ROBO2: variants seen among roughly 807,000 people sequenced by gnomAD.
ROBO2 encodes roundabout guidance receptor 2.
ROBO2 carries 53 observed loss-of-function variants against 160.8 expected under a neutral mutation model. That is an observed-to-expected ratio of 0.33 (90% CI 0.26 to 0.41). The LOEUF is 0.41. ROBO2 is among the 10% of genes least tolerant of loss of function. ROBO2 has a pLI of 1.00. For synonymous variants in ROBO2, 664 were observed against 611.7 expected (o/e 1.09, Z -1.26); for missense variants, 1,577 against 1,722.4 (o/e 0.92, Z 1.49).
intron 1 of ROBO2, among the ~76,000 whole-genome samples, chr3:77,096,881 A>G (rs892061827): frequency 5.9e-5 from 9 of 152,210 alleles, no homozygotes; most frequent in African/African-American, 1.9e-4. Context: ...TTGATATGGT[A>G]TATTTTTCCT....
chr3:76,535,896 G>T (rs963714850), intron 2 of ROBO2, among the ~76,000 whole-genome samples: 2 of 152,180 alleles, frequency 1.3e-5, no homozygotes, highest in African/African-American at 4.8e-5. Context: ...CTTCCGAGGT[G>T]ATTGGGCAGT....
At chr3:77,253,391 C>T (rs1001269389) in intron 2 of ROBO2, among the ~76,000 whole-genome samples, 1 of 152,096 alleles carries the variant, frequency 6.6e-6, no homozygotes, top group Non-Finnish European at 1.5e-5. Context: ...AATGACTTCT[C>T]AAGAAGTTAT....
intron 2 of ROBO2, among the ~76,000 whole-genome samples, chr3:76,438,277 A>C (rs529809502): frequency 6.6e-6 from 1 of 152,102 alleles, no homozygotes; most frequent in African/African-American, 2.4e-5. Flanking sequence ...TTTTTGCAAT[A>C]AAGTGCTAGA....
intron 2 of ROBO2, among the ~76,000 whole-genome samples, chr3:76,964,269 T>A (rs6548465): frequency 0.49 from 74,506 of 152,104 alleles, 19,239 homozygotes; most frequent in African/African-American, 0.66. Flanking sequence ...GGTTTAAATG[T>A]TGAGTCTAAT....
chr3:76,231,550 T>A (rs1424046657), intron 2 of ROBO2, among the ~76,000 whole-genome samples: 1 of 152,228 alleles, frequency 6.6e-6, no homozygotes, highest in Admixed American at 6.5e-5. Flanking sequence ...TTTCATTTAC[T>A]ATCTCCTGTC....
Position 76,377,065 on chromosome 3 carries a change from G to A in ROBO2, c.109+439463G>A, listed in dbSNP as rs373728286. ...ATTCTGTCATCAACAAAGTAGGCCC[G>A]GGTTGGGCTGGTCCTGTTGTTATAG... On this transcript the variant is annotated intron_variant, in intron 2 of 26. Coordinates refer to the ROBO2 transcript ENST00000487694. 2.5e-4 allele frequency among the ~76,000 whole-genome samples: 38 copies of A among 152,256 alleles called. No homozygotes were observed. The South Asian group carries it at 7.3e-3, about 29-fold the overall frequency.
At chr3:76,852,783 A>G (rs933947525) in intron 2 of ROBO2, among the ~76,000 whole-genome samples, 32 of 152,276 alleles carry the variant, frequency 2.1e-4, no homozygotes, top group African/African-American at 7.5e-4. Context: ...TGGTAGATGC[A>G]TCTTTCATGC....
intron 2 of ROBO2, among the ~76,000 whole-genome samples, chr3:76,196,087 C>G (rs1481120638): frequency 1.3e-5 from 2 of 152,136 alleles, no homozygotes; most frequent in Non-Finnish European, 2.9e-5. Flanking sequence ...GTGCCTTTTC[C>G]TGTTCTCACT....
intron 2 of ROBO2, among the ~76,000 whole-genome samples, chr3:76,662,891 G>C (rs999233605): frequency 5.3e-5 from 8 of 152,152 alleles, no homozygotes; most frequent in African/African-American, 1.9e-4. Context: ...TCCTTCACCA[G>C]ATGTTGAAGA....
intron 2 of ROBO2, among the ~76,000 whole-genome samples, chr3:76,960,362 T>A (rs2079559772): frequency 6.6e-6 from 1 of 152,124 alleles, no homozygotes; most frequent in African/African-American, 2.4e-5. Flanking sequence ...TATGGGTTGT[T>A]GATTATTTTC....
exon 1 of ROBO2, chr3:77,040,102 A>C (rs2149605773): frequency 1.0e-6 from 1 of 970,836 alleles, no homozygotes; most frequent in Admixed American, 6.3e-5. Context: ...CTCACCACGT[A>C]GGAGTTCGGA....
chr3:76,494,276 A>C (rs1003468808), intron 2 of ROBO2, among the ~76,000 whole-genome samples: 2 of 152,228 alleles, frequency 1.3e-5, no homozygotes, highest in African/African-American at 4.8e-5. Flanking sequence ...AGGGTACTTT[A>C]GCTGAGCCTG....
intron 2 of ROBO2, among the ~76,000 whole-genome samples, chr3:76,095,285 A>G (rs1015375175): frequency 6.6e-6 from 1 of 152,116 alleles, no homozygotes; most frequent in Non-Finnish European, 1.5e-5. Flanking sequence ...AGGCAACTAT[A>G]CATTGTGAAT....
At chr3:76,119,679 G>T (rs1249859429) in intron 2 of ROBO2, among the ~76,000 whole-genome samples, 2 of 151,902 alleles carry the variant, frequency 1.3e-5, no homozygotes. Context: ...TAACATTTGT[G>T]AAATGTCATA....
intron 2 of ROBO2, among the ~76,000 whole-genome samples, chr3:76,687,342 G>A (rs1460645573): frequency 6.6e-6 from 1 of 151,964 alleles, no homozygotes; most frequent in Non-Finnish European, 1.5e-5. Context: ...AGAATTAAAT[G>A]AGTTAATATA....
chr3:76,546,803 T>C (rs1042427426), intron 2 of ROBO2, among the ~76,000 whole-genome samples: 4 of 151,862 alleles, frequency 2.6e-5, no homozygotes, highest in African/African-American at 9.7e-5. Flanking sequence ...TTTTTTTAAG[T>C]CTAACACTTG....
rs71874425 is a variant in ROBO2 at position 76,323,138 on chromosome 3, T to TACACACACACACACACACACAC, written c.109+385553_109+385574dup. 1.7e-3 allele frequency among the ~76,000 whole-genome samples: 248 copies of TACACACACACACACACACACAC among 144,026 alleles called. 1 individual carries two copies. Among genetic ancestry groups the TACACACACACACACACACACAC allele is most frequent in the Non-Finnish European group, 2.5e-3 (167 of 66,010 alleles). The allele number at this position is 144,026 out of a possible 152,430, so 94.5% of individuals were successfully genotyped here. A position where few individuals can be genotyped will look rare whatever the true frequency, so the allele number is the denominator to read the frequency against. ...CAAATCTTTTACTTATTGTTAGTAT[T>TACACACACACACACACACACAC]ACACACACACACACACACACACACA... is the stretch of plus-strand genomic sequence containing the variant. On this transcript the variant is annotated intron_variant, in intron 2 of 26. Coordinates refer to the ROBO2 transcript ENST00000487694.
chr3:77,596,698 A>G, exon 19 of ROBO2: 1 of 1,613,878 alleles, frequency 6.2e-7, no homozygotes, highest in Non-Finnish European at 8.5e-7. Flanking sequence ...CGAGCTTGCC[A>G]GTAAATAATA....
Position 76,483,760 on chromosome 3 carries a change from A to G in ROBO2, c.109+546158A>G, listed in dbSNP as rs529437757. 2.3e-4 allele frequency among the ~76,000 whole-genome samples: 35 copies of G among 151,938 alleles called. 1 individual carries two copies. The highest frequency in any genetic ancestry group is 2.2e-3 in the Admixed American group (33 of 15,248). On this transcript the variant is annotated intron_variant, in intron 2 of 26. Coordinates refer to the ROBO2 transcript ENST00000487694. ...AGGCCCCAGTGTGTGCTATTTCCCT[A>G]TGTGTCCATGAGTTCTCATCCTTTA...
Sources: allele counts gnomAD v4.1 joint callset (sites outside exome capture counted in the v4.1 genomes callset), GRCh38; gene constraint gnomAD v4.1.1; transcripts MANE v1.5; gene names NCBI Gene and HGNC (gene_info 2026-07-23, HGNC 2026-07-21).